The following SPIRE1 variants were observed in gnomAD, a reference collection of about 807,000 sequenced individuals.
SPIRE1 encodes spire type actin nucleation factor 1.
Under a neutral mutation model 94.1 loss-of-function variants are expected in SPIRE1, and 40 were observed. The ratio of observed to expected loss-of-function variants is 0.43; its 90% CI spans 0.33 to 0.55. The LOEUF is 0.55. Ranked by LOEUF, SPIRE1 falls within the 20% of genes least tolerant of loss-of-function variation. The probability of loss-of-function intolerance (pLI) is 0.06; values close to 1 mark genes in which losing one functional copy is unlikely to be tolerated. For synonymous variants in SPIRE1, 376 were observed against 371.7 expected (o/e 1.01, Z -0.13); for missense variants, 838 against 975.2 (o/e 0.86, Z 1.87).
intron 2 of SPIRE1, among the ~76,000 whole-genome samples, chr18:12,608,242 G>A (rs150704773): frequency 3.6e-4 from 54 of 150,688 alleles, no homozygotes; most frequent in African/African-American, 1.3e-3. Flanking sequence ...TTTTGTCTGA[G>A]GCTATCACTA....
At chr18:12,455,886 T>C (rs1450725336) in intron 12 of SPIRE1, among the ~76,000 whole-genome samples, 2 of 152,212 alleles carry the variant, frequency 1.3e-5, no homozygotes, top group Non-Finnish European at 2.9e-5. Context: ...ATCAGTTCTG[T>C]CTTTCAATCA....
intron 16 of SPIRE1, chr18:12,450,833 C>A (rs776406745): frequency 1.4e-6 from 1 of 732,908 alleles, no homozygotes; most frequent in South Asian, 1.4e-5. Flanking sequence ...GGGTGAGATG[C>A]GGAATAACTT....
At chr18:12,461,481 CAT>C (rs5823219) in intron 12 of SPIRE1, among the ~76,000 whole-genome samples, 786 of 60,174 alleles carry the variant, frequency 0.013, 8 homozygotes, top group African/African-American at 0.025. Flanking sequence ...TACGTACATA[CAT>C]ATGTGTGTAT....
At chr18:12,607,038 C>T (rs1218971098) in intron 2 of SPIRE1, among the ~76,000 whole-genome samples, 3 of 152,074 alleles carry the variant, frequency 2.0e-5, no homozygotes, top group Non-Finnish European at 4.4e-5. Context: ...AGAATAGCAC[C>T]GAATCTGACA....
chr18:12,617,997 G>A (rs1373416820), intron 2 of SPIRE1, among the ~76,000 whole-genome samples: 1 of 152,144 alleles, frequency 6.6e-6, no homozygotes, highest in Non-Finnish European at 1.5e-5. Flanking sequence ...ATTTTTACCT[G>A]TAGTTCCATG....
At chr18:12,459,998 A>G in intron 12 of SPIRE1, 2 of 712,864 alleles carry the variant, frequency 2.8e-6, no homozygotes, top group Non-Finnish European at 3.4e-6. Flanking sequence ...GCTGAACACA[A>G]GTGACCTACA....
intron 2 of SPIRE1, among the ~76,000 whole-genome samples, chr18:12,577,192 G>C (rs1406325861): frequency 2.0e-5 from 3 of 151,982 alleles, no homozygotes; most frequent in Non-Finnish European, 2.9e-5. Flanking sequence ...CTGTCACCCA[G>C]GCTAGAGTGC....
chr18:12,657,329 G>A (rs1168919540), intron 1 of SPIRE1, among the ~76,000 whole-genome samples: 3 of 149,746 alleles, frequency 2.0e-5, no homozygotes, highest in African/African-American at 7.2e-5. Context: ...CCCGCCACGA[G>A]GCTCTGACCT....
At chr18:12,661,288 A>C, upstream of SPIRE1, 1 of 770,426 alleles carries the variant, frequency 1.3e-6, no homozygotes, top group Non-Finnish European at 1.6e-6. Context: ...AGCCTGGGTG[A>C]CAAGAGTGAG....
intron 2 of SPIRE1, among the ~76,000 whole-genome samples, chr18:12,629,641 C>T (rs1039009554): frequency 6.6e-6 from 1 of 151,806 alleles, no homozygotes; most frequent in Non-Finnish European, 1.5e-5. Context: ...GGGCTAACTA[C>T]AAAGTGGCAT....
chr18:12,639,515 C>T (rs528575951), intron 1 of SPIRE1, among the ~76,000 whole-genome samples: 18 of 152,190 alleles, frequency 1.2e-4, no homozygotes, highest in South Asian at 2.1e-4. Flanking sequence ...AGGTGGATCA[C>T]GAGGTCAGGA....
chr18:12,618,834 A>G (rs2037383290), intron 2 of SPIRE1, among the ~76,000 whole-genome samples: 1 of 152,200 alleles, frequency 6.6e-6, no homozygotes, highest in Admixed American at 6.5e-5. Context: ...TAAATTGTTT[A>G]AATGCTTTGG....
intron 1 of SPIRE1, chr18:12,653,178 G>A (rs1371195490): frequency 6.6e-6 from 1 of 152,232 alleles, no homozygotes; most frequent in Non-Finnish European, 1.5e-5. Context: ...CAGTGTTAGA[G>A]ATCAGATCAC....
At chr18:12,536,124 A>G (rs957795165) in intron 3 of SPIRE1, among the ~76,000 whole-genome samples, 2 of 152,182 alleles carry the variant, frequency 1.3e-5, no homozygotes, top group Non-Finnish European at 2.9e-5. Flanking sequence ...ACCCAACAGC[A>G]CAGATGAGCT....
At chr18:12,591,968 C>CAA (rs35668057) in intron 2 of SPIRE1, among the ~76,000 whole-genome samples, 777 of 67,212 alleles carry the variant, frequency 0.012, 11 homozygotes, top group South Asian at 0.04. Context: ...GACTCCATCT[C>CAA]AAAAAAAAAA....
intron 6 of SPIRE1, among the ~76,000 whole-genome samples, chr18:12,497,522 T>C (rs565135889): frequency 8.4e-4 from 128 of 152,226 alleles, no homozygotes; most frequent in African/African-American, 3.0e-3. Context: ...TGCTGGGGCC[T>C]ACTCAACATC....
Position 12,493,096 on chromosome 18 carries a change from C to T in SPIRE1, c.1165G>A (p.Glu389Lys). Residue 389 changes from glutamate (E) to lysine (K), a missense_variant, in exon 8 of 17, where the codon GAG (glutamate) becomes AAG (lysine). Transcript: ENST00000409402. ...CCTAATCTGCTACGTCTAATCTCCTCTGGTGATACAGGCCGCAGCTTTCTT... is the reference window on the plus strand; with the variant it reads ...CCTAATCTGCTACGTCTAATCTCCTTTGGTGATACAGGCCGCAGCTTTCTT... ...AERKLRPVSPEEIRRSRLAMR... is the reference protein window; with the variant it reads ...AERKLRPVSPKEIRRSRLAMR... 2 of 1,613,358 alleles carry T rather than the reference C, an allele frequency of 1.2e-6. No homozygotes were observed. Among genetic ancestry groups the T allele is most frequent in the Non-Finnish European group, 1.7e-6 (2 of 1,179,918 alleles).
chr18:12,458,421 C>A (rs534280530), intron 12 of SPIRE1, among the ~76,000 whole-genome samples: 1 of 151,652 alleles, frequency 6.6e-6, no homozygotes, highest in Non-Finnish European at 1.5e-5. Flanking sequence ...ACCATCCTGG[C>A]TAACATGGTG....
intron 2 of SPIRE1, among the ~76,000 whole-genome samples, chr18:12,616,882 T>C (rs4629035): frequency 0.56 from 85,023 of 151,990 alleles, 24,959 homozygotes; most frequent in Middle Eastern, 0.76. Flanking sequence ...TTTTTTTAGA[T>C]GGAGTCTTGC....
Sources: gnomAD v4.1 joint callset for allele counts (sites outside exome capture counted in the v4.1 genomes callset) on GRCh38, gnomAD v4.1.1 for gene constraint, MANE v1.5 for transcripts, NCBI Gene and HGNC (gene_info 2026-07-23, HGNC 2026-07-21) for gene names.